PDE4D: variants seen among roughly 807,000 people sequenced by gnomAD.
The protein encoded by PDE4D is phosphodiesterase 4D, also known as 3',5'-cyclic-AMP phosphodiesterase 4D.
PDE4D carries 24 observed loss-of-function variants against 87.4 expected under a neutral mutation model. That is an observed-to-expected ratio of 0.27 (90% CI 0.20 to 0.39). The LOEUF (loss-of-function observed/expected upper bound fraction) is 0.39, where lower values mean the gene tolerates loss of function less well. PDE4D is among the 10% of genes least tolerant of loss of function. The pLI, the probability that PDE4D is intolerant of heterozygous loss-of-function variation, is 1.00. For synonymous variants in PDE4D, 384 were observed against 383.2 expected, an observed-to-expected ratio of 1.00 and a Z score of -0.02; for missense variants, 714 against 1,041.0, an observed-to-expected ratio of 0.69 and a Z score of 4.32.
At chr5:59,348,854 G>C (rs902923231) in intron 1 of PDE4D, among the ~76,000 whole-genome samples, 1 of 151,998 alleles carries the variant, frequency 6.6e-6, no homozygotes, top group African/African-American at 2.4e-5. Flanking sequence ...CACTTTAGGA[G>C]GCTGAGGTGG....
intron 1 of PDE4D, among the ~76,000 whole-genome samples, chr5:60,505,849 C>T (rs966610668): frequency 6.6e-6 from 1 of 152,182 alleles, no homozygotes; most frequent in African/African-American, 2.4e-5. Context: ...ATATATAAAT[C>T]GAGATCCACC....
intron 1 of PDE4D, among the ~76,000 whole-genome samples, chr5:60,301,119 T>C (rs1753851402): frequency 1.3e-5 from 2 of 152,180 alleles, no homozygotes; most frequent in Admixed American, 6.5e-5. Context: ...TACTGTAGCC[T>C]TGTAGTATAT....
At chr5:59,139,795 AAAAAAACT>A (rs1332479331) in intron 5 of PDE4D, among the ~76,000 whole-genome samples, 1 of 151,984 alleles carries the variant, frequency 6.6e-6, no homozygotes, top group African/African-American at 2.4e-5. Context: ...TCCATTTTAG[AAAAAAACT>A]AAAAAACTAA....
At chr5:59,612,279 C>T (rs988593829) in intron 1 of PDE4D, among the ~76,000 whole-genome samples, 20 of 147,300 alleles carry the variant, frequency 1.4e-4, no homozygotes, top group Non-Finnish European at 3.0e-4. Flanking sequence ...AAAATTACTG[C>T]TTGTTCAATC....
chr5:59,428,264 A>G (rs532098202), intron 1 of PDE4D, among the ~76,000 whole-genome samples: 22 of 152,280 alleles, frequency 1.4e-4, no homozygotes, highest in Admixed American at 3.9e-4. Context: ...GCACTTATGC[A>G]TTTGATTTCC....
rs1159992999 is a variant in PDE4D at position 59,285,226 on chromosome 5, A to AG, written c.456-69259_456-69258insC. Among the ~76,000 whole-genome samples the AG allele has an allele frequency of 1.5e-3, 227 of 151,428 alleles. 1 individual carries two copies. The highest frequency in any genetic ancestry group is 5.1e-3 in the African/African-American group (210 of 41,106). On this transcript the variant is annotated intron_variant, in intron 1 of 14. Transcript: ENST00000340635. ...TTAAAGTATAATAAAAAAAAAAAAA[A>AG]AGAAAACAGGGAATGAGGCTTCTGC...
intron 6 of PDE4D, among the ~76,000 whole-genome samples, chr5:59,024,433 G>A (rs796748181): frequency 5.9e-5 from 9 of 151,300 alleles, no homozygotes; most frequent in African/African-American, 2.2e-4. Flanking sequence ...TCCTGACCGC[G>A]TGATCTGCTC....
intron 5 of PDE4D, among the ~76,000 whole-genome samples, chr5:59,097,482 C>A (rs1007253698): frequency 6.6e-6 from 1 of 152,170 alleles, no homozygotes; most frequent in African/African-American, 2.4e-5. Context: ...TCTCTAAACA[C>A]ACATCCAAGC....
intron 1 of PDE4D, among the ~76,000 whole-genome samples, chr5:60,474,281 A>ACCTT (rs1748136627): frequency 6.6e-6 from 1 of 151,320 alleles, no homozygotes; most frequent in South Asian, 2.1e-4. Context: ...TATAGACAGC[A>ACCTT]CCTTCTATGT....
intron 1 of PDE4D, among the ~76,000 whole-genome samples, chr5:60,328,254 G>T (rs933418283): frequency 2.0e-5 from 3 of 152,114 alleles, no homozygotes; most frequent in African/African-American, 4.8e-5. Context: ...TAATGTTCTG[G>T]GGAAAGGAGA....
intron 1 of PDE4D, among the ~76,000 whole-genome samples, chr5:60,289,056 C>G (rs1163539760): frequency 6.6e-6 from 1 of 152,124 alleles, no homozygotes; most frequent in Non-Finnish European, 1.5e-5. Flanking sequence ...AAATCTTCCC[C>G]GTCTCACATT....
At chr5:60,401,574 T>C (rs185350671) in intron 1 of PDE4D, among the ~76,000 whole-genome samples, 1 of 152,258 alleles carries the variant, frequency 6.6e-6, no homozygotes, top group Admixed American at 6.5e-5. Context: ...GATGTACAGG[T>C]GAAAGTGATC....
intron 1 of PDE4D, among the ~76,000 whole-genome samples, chr5:59,864,075 C>T (rs1468140855): frequency 6.6e-6 from 1 of 152,070 alleles, no homozygotes; most frequent in African/African-American, 2.4e-5. Flanking sequence ...ATCTTGGAGG[C>T]TCTTCAGAAA....
intron 1 of PDE4D, among the ~76,000 whole-genome samples, chr5:59,645,727 T>A (rs570893305): frequency 6.6e-6 from 1 of 152,252 alleles, no homozygotes; most frequent in Non-Finnish European, 1.5e-5. Flanking sequence ...GTTCAAAACA[T>A]ATAAAGCCAG....
chr5:60,176,706 T>C lies in PDE4D; in HGVS notation c.42+8851A>G, dbSNP rs188563919. 7.9e-5 allele frequency among the ~76,000 whole-genome samples: 12 copies of C among 152,242 alleles called. No individual in the cohort carries two copies. In the East Asian group the frequency reaches 2.3e-3, roughly 29 times the overall value. On this transcript the variant is annotated intron_variant, in intron 2 of 16. Coordinates refer to the PDE4D transcript ENST00000502484. ...AAATGTTATTTTAAAAGAAAAGGTG[T>C]TATTCCAGCTTTGAGGAAAGATTGC...
chr5:60,020,616 G>C (rs1561987437), intron 2 of PDE4D, among the ~76,000 whole-genome samples: 3 of 151,932 alleles, frequency 2.0e-5, no homozygotes, highest in African/African-American at 7.3e-5. Flanking sequence ...ATACAGAGGA[G>C]CCCTGAGGCA....
chr5:60,258,967 A>C (rs1476833002), intron 1 of PDE4D, among the ~76,000 whole-genome samples: 2 of 152,040 alleles, frequency 1.3e-5, no homozygotes, highest in African/African-American at 4.8e-5. Context: ...CTGAAGTCTT[A>C]ACAATGGCTA....
intron 5 of PDE4D, chr5:59,166,516 G>GC (rs1472418360): frequency 2.6e-5 from 4 of 152,176 alleles, no homozygotes; most frequent in Non-Finnish European, 5.9e-5. Flanking sequence ...TTCACAAACT[G>GC]CCTAGAATTC....
chr5:59,174,818 G>T (rs924139084), intron 5 of PDE4D, among the ~76,000 whole-genome samples: 2 of 152,056 alleles, frequency 1.3e-5, no homozygotes, highest in African/African-American at 4.8e-5. Context: ...TTTATTCCTG[G>T]CATTGTCACT....
Sources: allele counts gnomAD v4.1 joint callset (sites outside exome capture counted in the v4.1 genomes callset), GRCh38; gene constraint gnomAD v4.1.1; transcripts MANE v1.5; gene names NCBI Gene and HGNC (gene_info 2026-07-23, HGNC 2026-07-21).